The following ARHGAP18 variants were observed in gnomAD, a reference collection of about 807,000 sequenced individuals.
The protein encoded by ARHGAP18 is rho GTPase-activating protein 18.
A neutral mutation model predicts 86.2 loss-of-function variants in ARHGAP18; 67 were observed. The observed-to-expected ratio is 0.78, with a 90% confidence interval of 0.64 to 0.95. The LOEUF is 0.95. Ranked by LOEUF, ARHGAP18 falls within the 40% of genes least tolerant of loss-of-function variation. ARHGAP18 has a pLI of 0.00. For missense variants in ARHGAP18, 691 were observed against 780.4 expected (o/e 0.89, Z 1.37); for synonymous variants, 283 against 280.4 (o/e 1.01, Z -0.09).
At chr6:129,619,953 G>C (rs1428527227) in intron 5 of ARHGAP18, among the ~76,000 whole-genome samples, 1 of 151,212 alleles carries the variant, frequency 6.6e-6, no homozygotes, top group Non-Finnish European at 1.5e-5. Context: ...TGGAGGGGGA[G>C]GGAAAGGAGG....
At chr6:129,582,684 TC>T (rs1392705522) in intron 13 of ARHGAP18, among the ~76,000 whole-genome samples, 1 of 152,210 alleles carries the variant, frequency 6.6e-6, no homozygotes, top group African/African-American at 2.4e-5. Context: ...CACTAGTGGT[TC>T]CCAGATCTAT....
chr6:129,680,131 CAA>C (rs1474609652), intron 1 of ARHGAP18, among the ~76,000 whole-genome samples: 5 of 152,176 alleles, frequency 3.3e-5, no homozygotes. Context: ...ATCACATCTG[CAA>C]AGACCCTTTT....
chr6:129,632,898 A>G (rs888860764), intron 4 of ARHGAP18, among the ~76,000 whole-genome samples: 4 of 152,114 alleles, frequency 2.6e-5, no homozygotes, highest in African/African-American at 9.7e-5. Flanking sequence ...AGTTTACCTA[A>G]TACCCCTCCC....
chr6:129,578,461 A>G lies in ARHGAP18; in HGVS notation c.*52T>C. 7.0e-7 allele frequency: 1 copy of G among 1,438,848 alleles called. No individual in the cohort carries two copies. Among genetic ancestry groups the G allele is most frequent in the Non-Finnish European group, 9.7e-7 (1 of 1,028,802 alleles). The allele number at this position is 1,438,848 out of a possible 1,614,324, so 89.1% of individuals were successfully genotyped here. On this transcript the variant is annotated 3_prime_UTR_variant, in exon 15 of 15. Coordinates refer to ENST00000368149, the MANE Select transcript of ARHGAP18 (RefSeq NM_033515.3). Reference sequence around the variant, plus strand: ...TTTCTTTTATTTACACTCTTGACTCAGCAAGAATTATGACAGAAGTCCACA... The same window carrying G: ...TTTCTTTTATTTACACTCTTGACTCGGCAAGAATTATGACAGAAGTCCACA...
intron 7 of ARHGAP18, among the ~76,000 whole-genome samples, chr6:129,612,463 T>A (rs1337694567): frequency 2.0e-5 from 3 of 152,230 alleles, no homozygotes; most frequent in Admixed American, 6.5e-5. Context: ...TTGCCTTCCC[T>A]GCTTTATAAA....
At chr6:129,657,207 T>C (rs1044217584) in intron 1 of ARHGAP18, among the ~76,000 whole-genome samples, 4 of 152,208 alleles carry the variant, frequency 2.6e-5, no homozygotes, top group African/African-American at 9.6e-5. Flanking sequence ...GTTTTTTGCT[T>C]CCTGAGGAAA....
chr6:129,674,744 G>A (rs1047767644), intron 1 of ARHGAP18, among the ~76,000 whole-genome samples: 4 of 152,114 alleles, frequency 2.6e-5, no homozygotes, highest in Non-Finnish European at 5.9e-5. Flanking sequence ...GTCCTCAGGG[G>A]TTCCTGGAAT....
intron 1 of ARHGAP18, among the ~76,000 whole-genome samples, chr6:129,708,051 A>G (rs1340609753): frequency 6.6e-6 from 1 of 151,892 alleles, no homozygotes; most frequent in Non-Finnish European, 1.5e-5. Context: ...CCCCTCCCCC[A>G]TAGCAATTAC....
At chr6:129,641,711 T>C in intron 2 of ARHGAP18, 105 bp downstream of exon 2, 2 of 1,041,780 alleles carry the variant, frequency 1.9e-6, no homozygotes, top group Non-Finnish European at 1.4e-6. Context: ...TATCTTTTTT[T>C]GGTGGTCCTA....
At chr6:129,639,939 G>A (rs930754063) in intron 2 of ARHGAP18, among the ~76,000 whole-genome samples, 18 of 151,356 alleles carry the variant, frequency 1.2e-4, no homozygotes, top group African/African-American at 3.9e-4. Flanking sequence ...CAGCTACTAG[G>A]GAGGCTGAGG....
intron 12 of ARHGAP18, among the ~76,000 whole-genome samples, chr6:129,592,049 A>C (rs1419236326): frequency 6.6e-6 from 1 of 152,228 alleles, no homozygotes; most frequent in Non-Finnish European, 1.5e-5. Context: ...AAGGCTTAAA[A>C]TAACTTCCAT....
intron 1 of ARHGAP18, among the ~76,000 whole-genome samples, chr6:129,664,680 G>A (rs1774007643): frequency 6.6e-6 from 1 of 152,158 alleles, no homozygotes; most frequent in Admixed American, 6.5e-5. Flanking sequence ...CATCTACTAT[G>A]TATCAGATAC....
chr6:129,662,799 A>G (rs1432145894), intron 1 of ARHGAP18, among the ~76,000 whole-genome samples: 1 of 152,260 alleles, frequency 6.6e-6, no homozygotes, highest in African/African-American at 2.4e-5. Flanking sequence ...AGTGAGGAAC[A>G]GTACTGATTA....
intron 5 of ARHGAP18, among the ~76,000 whole-genome samples, chr6:129,625,394 TAC>T (rs1315647684): frequency 1.1e-4 from 6 of 55,764 alleles, no homozygotes; most frequent in African/African-American, 5.7e-4. Context: ...TATATATTTA[TAC>T]ATATGTATTA....
chr6:129,709,548 T>C (rs1294051569), intron 1 of ARHGAP18, among the ~76,000 whole-genome samples: 2 of 151,672 alleles, frequency 1.3e-5, no homozygotes, highest in Non-Finnish European at 2.9e-5. Flanking sequence ...GCCTAAGAGG[T>C]TTGCTTTCAG....
At chr6:129,653,980 C>T (rs902457348) in intron 1 of ARHGAP18, among the ~76,000 whole-genome samples, 3 of 152,130 alleles carry the variant, frequency 2.0e-5, no homozygotes, top group Non-Finnish European at 4.4e-5. Context: ...AACTTCAAGG[C>T]TACAGTGAGC....
rs555116923 is a variant in ARHGAP18, at chr6:129,642,113, C to T, written c.114-95G>A. On this transcript the variant is annotated intron_variant, in intron 1 of 14. Coordinates refer to ENST00000368149, the MANE Select transcript of ARHGAP18 (RefSeq NM_033515.3). Reference sequence around the variant, plus strand: ...AGCAACAAGCTGGAGAATTTATTAACTCCTTAAGTTATCCTTAATAAAACT... The same window carrying T: ...AGCAACAAGCTGGAGAATTTATTAATTCCTTAAGTTATCCTTAATAAAACT... 27 of 1,077,650 alleles carry T rather than the reference C, an allele frequency of 2.5e-5. No homozygotes were observed. In the South Asian group the frequency reaches 3.7e-4, roughly 15 times the overall value. The allele number at this position is 1,077,650 out of a possible 1,614,324, so 66.8% of individuals were successfully genotyped here.
At chr6:129,622,979 CAACAA>C (rs1789261321) in intron 5 of ARHGAP18, among the ~76,000 whole-genome samples, 1 of 79,512 alleles carries the variant, frequency 1.3e-5, no homozygotes, top group Non-Finnish European at 2.3e-5. Context: ...CTAGCCTGGG[CAACAA>C]GAGTGAAACT....
intron 1 of ARHGAP18, among the ~76,000 whole-genome samples, chr6:129,659,789 C>T (rs181748928): frequency 1.3e-5 from 2 of 152,306 alleles, no homozygotes; most frequent in East Asian, 3.9e-4. Context: ...TGTGCAACTC[C>T]ATATCCTAAG....
Sources: gnomAD v4.1 joint callset for allele counts (sites outside exome capture counted in the v4.1 genomes callset) on GRCh38, gnomAD v4.1.1 for gene constraint, MANE v1.5 for transcripts, NCBI Gene and HGNC (gene_info 2026-07-23, HGNC 2026-07-21) for gene names.